Variants in MAPK10 observed in about 807,000 individuals in gnomAD.
MAPK10 encodes the protein JNK3 alpha protein kinase.
In MAPK10, 25 loss-of-function variants were observed where a neutral mutation model predicts 59.3. The ratio of observed to expected loss-of-function variants is 0.42; its 90% CI spans 0.31 to 0.59. The LOEUF (loss-of-function observed/expected upper bound fraction) is 0.59. MAPK10 is among the 20% of genes least tolerant of loss of function. The pLI, the probability that MAPK10 is intolerant of heterozygous loss-of-function variation, is 0.15. For missense variants in MAPK10, 351 were observed against 568.9 expected, an observed-to-expected ratio of 0.62 and a Z score of 3.90; for synonymous variants, 190 against 200.5, an observed-to-expected ratio of 0.95 and a Z score of 0.44.
intron 2 of MAPK10, among the ~76,000 whole-genome samples, chr4:86,310,274 T>C (rs2095644220): frequency 6.6e-6 from 1 of 152,168 alleles, no homozygotes; most frequent in African/African-American, 2.4e-5. Flanking sequence ...ATGTCAGGAT[T>C]TCCTGAGGCT....
At chr4:86,147,775 C>A (rs1439122322) in intron 4 of MAPK10, among the ~76,000 whole-genome samples, 1 of 152,078 alleles carries the variant, frequency 6.6e-6, no homozygotes, top group Non-Finnish European at 1.5e-5. Context: ...AATCAATTTT[C>A]ATATTACTAA....
chr4:86,089,238 A>G (rs2052578257), intron 9 of MAPK10: 1 of 1,613,088 alleles, frequency 6.2e-7, no homozygotes, highest in Non-Finnish European at 8.5e-7. Flanking sequence ...TGCACCTTTT[A>G]TCATTTCTCC....
At chr4:86,536,437 C>T (rs759596670) in intron 1 of MAPK10, among the ~76,000 whole-genome samples, 8 of 152,202 alleles carry the variant, frequency 5.3e-5, no homozygotes, top group South Asian at 2.1e-4. Flanking sequence ...GACACGATTA[C>T]GTTTATTCAT....
chr4:86,480,350 G>C (rs1355853538), intron 1 of MAPK10, among the ~76,000 whole-genome samples: 4 of 151,516 alleles, frequency 2.6e-5, no homozygotes, highest in Admixed American at 2.6e-4. Flanking sequence ...GAGAACAACT[G>C]CCTTTGACTG....
chr4:86,113,326 C>T (rs2057808285), intron 4 of MAPK10, among the ~76,000 whole-genome samples: 2 of 151,984 alleles, frequency 1.3e-5, no homozygotes, highest in South Asian at 4.2e-4. Flanking sequence ...TCTCTGTACT[C>T]CAGCGTGTTT....
At chr4:86,593,773 A>G (rs1258845199) in intron 1 of MAPK10, 1 of 152,060 alleles carries the variant, frequency 6.6e-6, no homozygotes, top group African/African-American at 2.4e-5. Flanking sequence ...AAGTTGCTAT[A>G]TTGCTGCAAG....
intron 1 of MAPK10, among the ~76,000 whole-genome samples, chr4:86,481,366 G>T (rs1449518218): frequency 6.6e-6 from 1 of 151,786 alleles, no homozygotes; most frequent in East Asian, 1.9e-4. Context: ...CCTTACTTTG[G>T]GGTATTGTTT....
chr4:86,329,101 C>T (rs1486394542), intron 2 of MAPK10, among the ~76,000 whole-genome samples: 1 of 152,170 alleles, frequency 6.6e-6, no homozygotes, highest in African/African-American at 2.4e-5. Context: ...AGCAAGAAGG[C>T]CCTCACCAGA....
chr4:86,427,024 G>T (rs1195087435), intron 1 of MAPK10, among the ~76,000 whole-genome samples: 1 of 151,992 alleles, frequency 6.6e-6, no homozygotes, highest in African/African-American at 2.4e-5. Flanking sequence ...TTGAGAGGCT[G>T]AGGCGGGCAG....
At chr4:86,034,749 C>G (rs1268789826) in intron 11 of MAPK10, among the ~76,000 whole-genome samples, 1 of 152,032 alleles carries the variant, frequency 6.6e-6, no homozygotes, top group Non-Finnish European at 1.5e-5. Flanking sequence ...CTAACAAAGC[C>G]TAGATTTGAT....
chr4:86,255,152 T>C (rs560257775), intron 2 of MAPK10, among the ~76,000 whole-genome samples: 2 of 152,140 alleles, frequency 1.3e-5, no homozygotes, highest in South Asian at 4.2e-4. Flanking sequence ...GTATGGTGGG[T>C]AGAGAGTAGT....
At chr4:86,019,172 G>GA (rs1744968662) in intron 13 of MAPK10, among the ~76,000 whole-genome samples, 1 of 152,132 alleles carries the variant, frequency 6.6e-6, no homozygotes, top group Admixed American at 6.5e-5. Context: ...TAAACGGTAA[G>GA]AACTGTTAAA....
chr4:86,430,911 G>A (rs1747960503), intron 1 of MAPK10, among the ~76,000 whole-genome samples: 1 of 152,172 alleles, frequency 6.6e-6, no homozygotes, highest in Non-Finnish European at 1.5e-5. Context: ...AGGCAGTTGT[G>A]TGAAATATTC....
chr4:86,546,625 T>C (rs1759198632), intron 1 of MAPK10, among the ~76,000 whole-genome samples: 1 of 151,362 alleles, frequency 6.6e-6, no homozygotes, highest in Non-Finnish European at 1.5e-5. Flanking sequence ...CAAGGGGCCC[T>C]TCTGAGTATA....
At chr4:86,020,621 C>G (rs1746032918) in intron 13 of MAPK10, 1 of 157,848 alleles carries the variant, frequency 6.3e-6, no homozygotes, top group Non-Finnish European at 1.4e-5. Context: ...TCTGTCCCTT[C>G]TGATGTTCAG....
At chr4:86,331,994 C>T (rs984544433) in intron 2 of MAPK10, among the ~76,000 whole-genome samples, 3 of 151,974 alleles carry the variant, frequency 2.0e-5, no homozygotes, top group African/African-American at 4.8e-5. Context: ...TCATTAATTC[C>T]CTTTACATTT....
intron 4 of MAPK10, chr4:86,124,720 T>C (rs1041617041): frequency 1.6e-4 from 25 of 152,162 alleles, no homozygotes; most frequent in African/African-American, 4.6e-4. Flanking sequence ...CTTTAGAATA[T>C]CTTAATTTGT....
chr4:86,197,990 T>C (rs1260838955), intron 2 of MAPK10, among the ~76,000 whole-genome samples: 1 of 152,078 alleles, frequency 6.6e-6, no homozygotes, highest in Non-Finnish European at 1.5e-5. Context: ...ACTGCAGACA[T>C]CTGAGGAAAG....
At chr4:86,062,741 T>C (rs1052526880) in intron 11 of MAPK10, among the ~76,000 whole-genome samples, 28 of 152,290 alleles carry the variant, frequency 1.8e-4, no homozygotes, top group African/African-American at 5.8e-4. Context: ...TCATCAGAGA[T>C]AAAATTTTTA....
Sources: allele counts gnomAD v4.1 joint callset (sites outside exome capture counted in the v4.1 genomes callset), GRCh38; gene constraint gnomAD v4.1.1; transcripts MANE v1.5; gene names NCBI Gene and HGNC (gene_info 2026-07-23, HGNC 2026-07-21).